Variants in AATF observed in about 807,000 individuals in gnomAD.
AATF encodes the protein apoptosis antagonizing transcription factor, also known as protein AATF.
A neutral mutation model predicts 63.7 loss-of-function variants in AATF; 48 were observed. That is an observed-to-expected ratio of 0.75 (90% CI 0.60 to 0.96). AATF has a LOEUF of 0.96. Ranked by LOEUF, AATF falls within the 40% of genes least tolerant of loss-of-function variation. AATF has a pLI of 0.00. For missense variants in AATF, 639 were observed against 685.7 expected (o/e 0.93, Z 0.76); for synonymous variants, 258 against 247.7 (o/e 1.04, Z -0.39).
intron 4 of AATF, among the ~76,000 whole-genome samples, chr17:36,985,020 G>A (rs899009674): frequency 6.6e-6 from 1 of 151,484 alleles, no homozygotes; most frequent in African/African-American, 2.4e-5. Flanking sequence ...TCCTGCCTCA[G>A]CCTCCTGAGT....
chr17:37,040,593 G>A (rs2071629295), intron 11 of AATF, among the ~76,000 whole-genome samples: 1 of 152,172 alleles, frequency 6.6e-6, no homozygotes, highest in African/African-American at 2.4e-5. Context: ...GCATCTAAGA[G>A]TGTGGTCCCA....
intron 8 of AATF, among the ~76,000 whole-genome samples, chr17:36,993,418 G>A (rs776375689): frequency 2.0e-5 from 3 of 152,186 alleles, no homozygotes; most frequent in African/African-American, 7.2e-5. Context: ...GGTAGCACCT[G>A]TTCTGCTGAC....
At position 36,988,514 on chromosome 17, in the gene AATF, T is replaced by C; in HGVS notation, c.948-5T>C. On this transcript the variant is annotated splice_polypyrimidine_tract_variant and splice_region_variant and intron_variant, in intron 5 of 11. Transcript: ENST00000619387. The stretch of plus-strand genomic sequence containing the variant: ...CTGGACATAATATTCTTACTGCTTT[T>C]CTAGTGAGGAGATTTCTAGTGAAGA... The C allele has an allele frequency of 6.2e-7, 1 of 1,613,736 alleles. No homozygotes were observed. The highest frequency in any genetic ancestry group is 8.5e-7 in the Non-Finnish European group (1 of 1,179,866).
chr17:37,028,326 TG>T (rs2071526089), intron 10 of AATF, among the ~76,000 whole-genome samples: 1 of 151,524 alleles, frequency 6.6e-6, no homozygotes, highest in Admixed American at 6.6e-5. Context: ...TGGTCGGGGC[TG>T]GGAGGCAGAG....
chr17:36,959,778 A>G (rs1486491822), intron 4 of AATF, among the ~76,000 whole-genome samples: 4 of 152,206 alleles, frequency 2.6e-5, no homozygotes, highest in Non-Finnish European at 4.4e-5. Context: ...TAATAGAAAC[A>G]ATGGTTGTCA....
At chr17:37,038,642 T>G (rs1222654439) in intron 11 of AATF, among the ~76,000 whole-genome samples, 1 of 152,184 alleles carries the variant, frequency 6.6e-6, no homozygotes, top group Non-Finnish European at 1.5e-5. Flanking sequence ...CCAAAAATGG[T>G]AGCAAGATTA....
chr17:36,992,414 G>A (rs2071222495), intron 8 of AATF, among the ~76,000 whole-genome samples: 1 of 152,144 alleles, frequency 6.6e-6, no homozygotes. Flanking sequence ...TTGTTCTAGA[G>A]TGTCTAAGGA....
At chr17:36,974,919 A>G (rs553507442) in intron 4 of AATF, among the ~76,000 whole-genome samples, 2 of 152,240 alleles carry the variant, frequency 1.3e-5, no homozygotes, top group South Asian at 2.1e-4. Flanking sequence ...TTCTGGAATT[A>G]TATCTACCTC....
intron 4 of AATF, among the ~76,000 whole-genome samples, chr17:36,956,647 TG>T (rs1224666135): frequency 6.8e-6 from 1 of 147,488 alleles, no homozygotes; most frequent in African/African-American, 2.5e-5. Flanking sequence ...CACTCCAGCC[TG>T]GGCAACAAGA....
chr17:36,991,660 A>G lies in AATF; in HGVS notation c.1398+803A>G, dbSNP rs556749182. On this transcript the variant is annotated intron_variant, in intron 8 of 11. Coordinates refer to ENST00000619387, the MANE Select transcript of AATF (RefSeq NM_012138.4). ...GAGTGCAGTGGCGCAATCTCGGCTCACTGCAAGCTCTGCCTTCTGGGTTCA... is the reference window on the plus strand; with the variant it reads ...GAGTGCAGTGGCGCAATCTCGGCTCGCTGCAAGCTCTGCCTTCTGGGTTCA... 2.7e-5 allele frequency among the ~76,000 whole-genome samples: 4 copies of G among 148,878 alleles called. No homozygotes were observed. The Admixed American group carries it at 2.7e-4, about 10-fold the overall frequency.
chr17:37,044,736 C>T (rs1026261885), intron 11 of AATF, among the ~76,000 whole-genome samples: 4 of 152,124 alleles, frequency 2.6e-5, no homozygotes, highest in Non-Finnish European at 4.4e-5. Flanking sequence ...GTATTATCCC[C>T]GTTGAGCATG....
chr17:36,964,908 T>C (rs1016982547), intron 4 of AATF, among the ~76,000 whole-genome samples: 3 of 152,152 alleles, frequency 2.0e-5, no homozygotes, highest in Non-Finnish European at 2.9e-5. Flanking sequence ...ATTGCTCTTC[T>C]GGGGAGAGCT....
intron 4 of AATF, among the ~76,000 whole-genome samples, chr17:36,970,012 C>T (rs2071026531): frequency 6.6e-6 from 1 of 152,082 alleles, no homozygotes; most frequent in Non-Finnish European, 1.5e-5. Context: ...GAGTAGTATC[C>T]CATTGTATGG....
In AATF at chr17:36,986,702, A is replaced by G. The variant is rs753892788; in HGVS notation, c.918A>G (p.Leu306=). The G allele has an allele frequency of 8.1e-6, 13 of 1,614,092 alleles. No homozygotes were observed. The South Asian group carries it at 9.9e-5, about 12-fold the overall frequency. The change falls in exon 5 of 12, where the codon CTA becomes CTG. Residue 306 remains leucine (L), a synonymous_variant. Transcript: ENST00000619387. ...LLFQYPDTRY[L]VDGTKPNAGS... ...TCCAGTACCCAGACACTAGATATCT[A>G]GTAGATGGGACAAAGCCCAATGCGG...
chr17:37,046,307 A>G (rs531780744), intron 11 of AATF, among the ~76,000 whole-genome samples: 1 of 152,196 alleles, frequency 6.6e-6, no homozygotes, highest in Non-Finnish European at 1.5e-5. Flanking sequence ...TTAGACCATT[A>G]GAGTGTGTGT....
chr17:36,987,461 A>G (rs1352302384), intron 5 of AATF, among the ~76,000 whole-genome samples: 1 of 152,174 alleles, frequency 6.6e-6, no homozygotes, highest in African/African-American at 2.4e-5. Context: ...TCCCCCTGAA[A>G]TTATTACATT....
chr17:36,994,496 GT>G (rs2071239312), intron 8 of AATF, among the ~76,000 whole-genome samples: 1 of 152,188 alleles, frequency 6.6e-6, no homozygotes, highest in Non-Finnish European at 1.5e-5. Context: ...AATGGTGAAG[GT>G]TTTATGAGAG....
chr17:36,958,047 G>A (rs1305436421), intron 4 of AATF, among the ~76,000 whole-genome samples: 3 of 152,146 alleles, frequency 2.0e-5, no homozygotes, highest in Non-Finnish European at 2.9e-5. Context: ...CAAAGACATC[G>A]TCTGATATTT....
intron 11 of AATF, among the ~76,000 whole-genome samples, chr17:37,050,030 C>T (rs942959095): frequency 2.0e-5 from 3 of 152,114 alleles, no homozygotes; most frequent in Admixed American, 1.3e-4. Context: ...CAAGCAGACT[C>T]GGTCACAGGA....
Sources: gnomAD v4.1 joint callset for allele counts (sites outside exome capture counted in the v4.1 genomes callset) on GRCh38, gnomAD v4.1.1 for gene constraint, MANE v1.5 for transcripts, NCBI Gene and HGNC (gene_info 2026-07-23, HGNC 2026-07-21) for gene names.